Variants in ADAMTS3 observed in about 807,000 individuals in gnomAD.
The protein encoded by ADAMTS3 is A disintegrin and metalloproteinase with thrombospondin motifs 3.
Under a neutral mutation model 129.0 loss-of-function variants are expected in ADAMTS3, and 73 were observed. The ratio of observed to expected loss-of-function variants is 0.57; its 90% confidence interval spans 0.47 to 0.69. The LOEUF (loss-of-function observed/expected upper bound fraction) is 0.69, where lower values mean the gene tolerates loss of function less well. ADAMTS3 is among the 30% of genes least tolerant of loss of function. The pLI is 0.00. For synonymous variants in ADAMTS3, 477 were observed against 510.8 expected, an observed-to-expected ratio of 0.93 and a Z score of 0.89; for missense variants, 1,457 against 1,514.5, an observed-to-expected ratio of 0.96 and a Z score of 0.63.
chr4:72,568,948 T>C lies in ADAMTS3; in HGVS notation c.-186A>G. 1.6e-6 allele frequency: 1 copy of C among 615,104 alleles called. No individual in the cohort carries two copies. The allele number at this position is 615,104 out of a possible 1,614,324, so 38.1% of individuals were successfully genotyped here. The stretch of plus-strand genomic sequence containing the variant: ...TTTGAGCTCTGAGACTGGCCCCCTC[T>C]GCTCTGCAGTTTTTTCCACTTCACC... On this transcript the variant is annotated 5_prime_UTR_variant, in exon 1 of 22. Transcript: ENST00000286657.
chr4:72,566,883 T>C (rs1258193298), intron 2 of ADAMTS3, among the ~76,000 whole-genome samples: 2 of 152,218 alleles, frequency 1.3e-5, no homozygotes, highest in Non-Finnish European at 2.9e-5. Context: ...AGGAGATAAT[T>C]ATTTTAAAGC....
intron 3 of ADAMTS3, among the ~76,000 whole-genome samples, chr4:72,430,010 ACG>A (rs1722658673): frequency 6.6e-6 from 1 of 152,030 alleles, no homozygotes; most frequent in Admixed American, 6.6e-5. Context: ...TCCCTGAACA[ACG>A]GTTTAAGTAG....
chr4:72,318,028 C>CA (rs1252397421), intron 10 of ADAMTS3, among the ~76,000 whole-genome samples: 6,873 of 123,002 alleles, frequency 0.056, 498 homozygotes, highest in African/African-American at 0.18. Flanking sequence ...GACTCCGTCT[C>CA]AAAAAAAAAA....
intron 3 of ADAMTS3, among the ~76,000 whole-genome samples, chr4:72,505,050 T>C (rs1349459080): frequency 6.6e-6 from 1 of 152,190 alleles, no homozygotes; most frequent in African/African-American, 2.4e-5. Flanking sequence ...ACATTCTTTA[T>C]CTGTCATTTG....
In ADAMTS3 at chr4:72,323,216, T is replaced by C. The variant is rs1719606510; in HGVS notation, c.862-119A>G. ...AGTAAATTGCTGTTTTTAAATTGAG[T>C]TTAATAGCTGAACTCTGAAAGGTAG... On this transcript the variant is annotated intron_variant, in intron 5 of 21. Coordinates refer to ENST00000286657, the MANE Select transcript of ADAMTS3 (RefSeq NM_014243.3). 1.9e-5 allele frequency: 14 copies of C among 743,770 alleles called. No individual in the cohort carries two copies. In the South Asian group the frequency reaches 2.2e-4, roughly 12 times the overall value. The allele number at this position is 743,770 out of a possible 1,614,324, so 46.1% of individuals were successfully genotyped here.
intron 3 of ADAMTS3, among the ~76,000 whole-genome samples, chr4:72,415,679 C>T (rs1429669792): frequency 1.3e-5 from 2 of 151,936 alleles, no homozygotes; most frequent in African/African-American, 2.4e-5. Context: ...TTCCATCTCT[C>T]TATTTATTGT....
intron 3 of ADAMTS3, among the ~76,000 whole-genome samples, chr4:72,475,568 T>A (rs1278253713): frequency 2.0e-5 from 3 of 150,480 alleles, no homozygotes; most frequent in Non-Finnish European, 4.4e-5. Flanking sequence ...ACAGTTGGAG[T>A]CTTTAACATG....
At chr4:72,472,313 T>C (rs1719093915) in intron 3 of ADAMTS3, among the ~76,000 whole-genome samples, 1 of 152,128 alleles carries the variant, frequency 6.6e-6, no homozygotes, top group Non-Finnish European at 1.5e-5. Context: ...AAATAAGATA[T>C]TAACCTCTGT....
chr4:72,553,684 C>A (rs1721696687), intron 2 of ADAMTS3, among the ~76,000 whole-genome samples: 1 of 152,036 alleles, frequency 6.6e-6, no homozygotes, highest in African/African-American at 2.4e-5. Context: ...AATTTGCAAA[C>A]CTCAGCACCT....
intron 3 of ADAMTS3, among the ~76,000 whole-genome samples, chr4:72,539,816 A>C (rs757934057): frequency 6.6e-6 from 1 of 152,182 alleles, no homozygotes; most frequent in Non-Finnish European, 1.5e-5. Flanking sequence ...CCATCCACTT[A>C]AGATGTGACT....
chr4:72,383,513 G>T (rs1332203489), intron 4 of ADAMTS3, among the ~76,000 whole-genome samples: 1 of 152,190 alleles, frequency 6.6e-6, no homozygotes, highest in East Asian at 1.9e-4. Context: ...CTGGAAAACA[G>T]AAAGTCATAG....
intron 16 of ADAMTS3, 77 bp from the exon 17 acceptor site, chr4:72,304,157 T>C (rs927513394): frequency 2.2e-6 from 3 of 1,362,828 alleles, no homozygotes; most frequent in East Asian, 2.3e-5. Context: ...AGCAAGTATA[T>C]CCTTTCTACA....
chr4:72,547,944 C>A (rs1177614168), intron 3 of ADAMTS3, among the ~76,000 whole-genome samples: 1 of 152,106 alleles, frequency 6.6e-6, no homozygotes, highest in African/African-American at 2.4e-5. Context: ...AGAATTGAAG[C>A]CACCGCACAG....
chr4:72,323,186 A>C (rs1249282785), intron 5 of ADAMTS3, 89 bp from the exon 6 acceptor site: 1 of 951,754 alleles, frequency 1.1e-6, no homozygotes, highest in Non-Finnish European at 1.7e-6. Flanking sequence ...CACCACAAAT[A>C]GGTGAGTAAA....
At chr4:72,425,097 A>G (rs1463438644) in intron 3 of ADAMTS3, among the ~76,000 whole-genome samples, 1 of 152,252 alleles carries the variant, frequency 6.6e-6, no homozygotes, top group African/African-American at 2.4e-5. Context: ...TCTTCCAGAA[A>G]TTTGTGAATT....
At chr4:72,383,797 A>T (rs891956219) in intron 4 of ADAMTS3, among the ~76,000 whole-genome samples, 76 of 152,210 alleles carry the variant, frequency 5.0e-4, no homozygotes, top group African/African-American at 1.7e-3. Context: ...AATTAGATAC[A>T]TAAAGAAACT....
At chr4:72,343,760 G>GA (rs1231938711) in intron 4 of ADAMTS3, among the ~76,000 whole-genome samples, 2 of 151,542 alleles carry the variant, frequency 1.3e-5, no homozygotes, top group South Asian at 2.1e-4. Context: ...CATTCAAAAG[G>GA]AAAAAAAAGG....
At chr4:72,341,892 T>G (rs1342855187) in intron 4 of ADAMTS3, among the ~76,000 whole-genome samples, 1 of 152,176 alleles carries the variant, frequency 6.6e-6, no homozygotes, top group Non-Finnish European at 1.5e-5. Context: ...CAGTGTTCTT[T>G]CCATGTTTCC....
At chr4:72,431,218 T>C (rs1722691361) in intron 3 of ADAMTS3, among the ~76,000 whole-genome samples, 1 of 151,954 alleles carries the variant, frequency 6.6e-6, no homozygotes, top group African/African-American at 2.4e-5. Flanking sequence ...ATAAAACCTG[T>C]TGATACTTCT....
Sources: gnomAD v4.1 joint callset for allele counts (sites outside exome capture counted in the v4.1 genomes callset) on GRCh38, gnomAD v4.1.1 for gene constraint, MANE v1.5 for transcripts, NCBI Gene and HGNC (gene_info 2026-07-23, HGNC 2026-07-21) for gene names.